RNF182: variants seen among roughly 807,000 people sequenced by gnomAD.
The protein encoded by RNF182 is E3 ubiquitin-protein ligase RNF182.
RNF182 carries 15 observed loss-of-function variants against 14.4 expected under a neutral mutation model. The ratio of observed to expected loss-of-function variants is 1.04; its 90% CI spans 0.70 to 1.60. The LOEUF (loss-of-function observed/expected upper bound fraction) is 1.60. Ranked by LOEUF, RNF182 falls within the 40% of genes most tolerant of loss-of-function variation. RNF182 has a pLI of 0.00. For missense variants in RNF182, 268 were observed against 294.8 expected (o/e 0.91, Z 0.67); for synonymous variants, 128 against 122.9 (o/e 1.04, Z -0.27).
At chr6:13,959,895 G>A (rs899710789) in intron 1 of RNF182, among the ~76,000 whole-genome samples, 1 of 152,134 alleles carries the variant, frequency 6.6e-6, no homozygotes, top group Non-Finnish European at 1.5e-5. Flanking sequence ...ACAAACTGGG[G>A]GGCAGTCATC....
chr6:13,960,884 G>T (rs988671845), intron 1 of RNF182, among the ~76,000 whole-genome samples: 1 of 152,002 alleles, frequency 6.6e-6, no homozygotes, highest in Non-Finnish European at 1.5e-5. Context: ...TATGAAGGAA[G>T]AAATTAATAG....
At position 13,977,842 on chromosome 6, in the gene RNF182, C is replaced by T. The variant is rs1281106188; in HGVS notation, c.723C>T (p.Asp241=). The T allele has an allele frequency of 1.9e-6, 3 of 1,612,940 alleles. No individual in the cohort carries two copies. The highest frequency in any genetic ancestry group is 1.7e-5 in the Admixed American group (1 of 59,886). The part of the protein sequence containing the change: ...FCQCVCHEFL[D]CMAPPS ...AGTGTGTTTGTCATGAATTTCTAGA[C>T]TGTATGGCACCTCCTTCTTAACTGA... The change falls in exon 3 of 3, where the codon GAC becomes GAT. Residue 241 remains aspartate, a synonymous_variant. Coordinates refer to ENST00000488300, the MANE Select transcript of RNF182 (RefSeq NM_152737.4).
At chr6:13,935,122 A>G (rs1759075549) in intron 1 of RNF182, among the ~76,000 whole-genome samples, 1 of 152,202 alleles carries the variant, frequency 6.6e-6, no homozygotes, top group Non-Finnish European at 1.5e-5. Flanking sequence ...CATGTAGAGA[A>G]TGGATGTACA....
At chr6:13,932,130 T>C (rs753334325) in intron 1 of RNF182, among the ~76,000 whole-genome samples, 1 of 152,254 alleles carries the variant, frequency 6.6e-6, no homozygotes, top group Non-Finnish European at 1.5e-5. Context: ...TAGAGCAATC[T>C]GAGCAGACTA....
intron 1 of RNF182, among the ~76,000 whole-genome samples, chr6:13,962,884 C>A (rs542130378): frequency 6.6e-6 from 1 of 152,300 alleles, no homozygotes; most frequent in Non-Finnish European, 1.5e-5. Flanking sequence ...TACCCTAAGA[C>A]CTATACAATT....
intron 2 of RNF182, 104 bp downstream of exon 2, chr6:13,974,468 A>G (rs967294622): frequency 1.3e-5 from 2 of 152,246 alleles, no homozygotes; most frequent in African/African-American, 4.8e-5. Context: ...TTATAATCAC[A>G]TAACACTCTA....
chr6:13,944,638 C>T (rs1340152958), intron 1 of RNF182, among the ~76,000 whole-genome samples: 2 of 152,174 alleles, frequency 1.3e-5, no homozygotes, highest in African/African-American at 2.4e-5. Context: ...ATTTAATGTC[C>T]AGCACTGGCT....
chr6:13,962,624 A>G (rs1002172947), intron 1 of RNF182, among the ~76,000 whole-genome samples: 1 of 152,252 alleles, frequency 6.6e-6, no homozygotes, highest in African/African-American at 2.4e-5. Context: ...CTTAACTTCT[A>G]TCAGTTTTCT....
chr6:13,941,607 C>CT (rs1376314907), intron 1 of RNF182, among the ~76,000 whole-genome samples: 1 of 151,814 alleles, frequency 6.6e-6, no homozygotes, highest in South Asian at 2.1e-4. Context: ...GTTCTTTGTT[C>CT]TTTTTTTCTT....
intron 1 of RNF182, among the ~76,000 whole-genome samples, chr6:13,972,594 C>T (rs1299329582): frequency 6.6e-6 from 1 of 152,102 alleles, no homozygotes; most frequent in East Asian, 1.9e-4. Context: ...GGACTTGGTG[C>T]CTTACATCCT....
intron 1 of RNF182, among the ~76,000 whole-genome samples, chr6:13,954,657 A>T (rs1331596233): frequency 1.3e-5 from 2 of 152,150 alleles, no homozygotes; most frequent in African/African-American, 4.8e-5. Flanking sequence ...GGCACAGGAA[A>T]CTGAAAGATT....
chr6:13,954,378 G>A (rs576957577), intron 1 of RNF182, among the ~76,000 whole-genome samples: 1 of 152,182 alleles, frequency 6.6e-6, no homozygotes, highest in Non-Finnish European at 1.5e-5. Context: ...GTTAGAATTA[G>A]AATCCAAACA....
At position 13,978,662 on chromosome 6, in the gene RNF182, A is replaced by G. The variant is rs923535070; in HGVS notation, c.*799A>G. On this transcript the variant is annotated 3_prime_UTR_variant, in exon 3 of 3. Coordinates refer to ENST00000488300, the MANE Select transcript of RNF182 (RefSeq NM_152737.4). The stretch of plus-strand genomic sequence containing the variant: ...AAAACCTTCATTTGAGTCTTTCCTT[A>G]TAACATCTTAGTTTTGGTTTTTTTA... 6.0e-6 allele frequency: 1 copy of G among 167,062 alleles called. No individual in the cohort carries two copies. The allele number at this position is 167,062 out of a possible 1,614,324, so 10.3% of individuals were successfully genotyped here.
intron 1 of RNF182, among the ~76,000 whole-genome samples, chr6:13,930,129 A>AGCAACG (rs1758930522): frequency 1.3e-5 from 1 of 74,218 alleles, no homozygotes; most frequent in East Asian, 1.1e-3. Context: ...ATATTTGGAA[A>AGCAACG]ATATTCCAAA....
intron 2 of RNF182, among the ~76,000 whole-genome samples, chr6:13,975,300 G>A (rs1202205504): frequency 6.6e-6 from 1 of 152,210 alleles, no homozygotes; most frequent in Non-Finnish European, 1.5e-5. Context: ...ACATGGGCAT[G>A]TGTATCCTGA....
At chr6:13,940,348 T>A (rs1759262986) in intron 1 of RNF182, among the ~76,000 whole-genome samples, 1 of 152,190 alleles carries the variant, frequency 6.6e-6, no homozygotes, top group Non-Finnish European at 1.5e-5. Context: ...CTATAATAAA[T>A]CCAACTGATG....
chr6:13,927,540 TAC>T (rs1446586375), intron 1 of RNF182, among the ~76,000 whole-genome samples: 3 of 152,222 alleles, frequency 2.0e-5, no homozygotes, highest in African/African-American at 7.2e-5. Context: ...AGCTGTATTC[TAC>T]CTGAAAGAAT....
intron 1 of RNF182, chr6:13,949,146 T>C (rs1000235828): frequency 2.0e-5 from 16 of 785,774 alleles, no homozygotes; most frequent in East Asian, 1.2e-4. Context: ...AGGAATCTTA[T>C]AGCCCCTGAA....
At chr6:13,965,131 C>T (rs1005358081) in intron 1 of RNF182, among the ~76,000 whole-genome samples, 1 of 152,166 alleles carries the variant, frequency 6.6e-6, no homozygotes, top group African/African-American at 2.4e-5. Context: ...AGAAAGAGCA[C>T]ATAAGGAGAT....
Sources: allele counts gnomAD v4.1 joint callset (sites outside exome capture counted in the v4.1 genomes callset), GRCh38; gene constraint gnomAD v4.1.1; transcripts MANE v1.5; gene names NCBI Gene and HGNC (gene_info 2026-07-23, HGNC 2026-07-21).